The following ME1 variants were observed in gnomAD, a reference collection of about 807,000 sequenced individuals.
The protein encoded by ME1 is NADP-dependent malic enzyme.
A neutral mutation model predicts 66.4 loss-of-function variants in ME1; 74 were observed. That is an observed-to-expected ratio of 1.11 (90% CI 0.92 to 1.35). The LOEUF (loss-of-function observed/expected upper bound fraction) is 1.35. Ranked by LOEUF, ME1 falls within the 40% of genes most tolerant of loss-of-function variation. The pLI, the probability that ME1 is intolerant of heterozygous loss-of-function variation, is 0.00. For missense variants in ME1, 750 were observed against 694.1 expected, an observed-to-expected ratio of 1.08 and a Z score of -0.90; for synonymous variants, 251 against 235.6, an observed-to-expected ratio of 1.07 and a Z score of -0.60.
intron 6 of ME1, among the ~76,000 whole-genome samples, chr6:83,270,479 A>G (rs953026276): frequency 6.6e-6 from 1 of 152,124 alleles, no homozygotes; most frequent in Non-Finnish European, 1.5e-5. Context: ...AAAAGTGATC[A>G]CCATATCCTA....
intron 5 of ME1, among the ~76,000 whole-genome samples, chr6:83,322,094 A>G (rs1436373198): frequency 6.6e-6 from 1 of 152,242 alleles, no homozygotes; most frequent in African/African-American, 2.4e-5. Context: ...ACAAACAGAA[A>G]GGAAGAGCAT....
At chr6:83,397,128 C>A (rs1769748537) in intron 3 of ME1, among the ~76,000 whole-genome samples, 1 of 152,044 alleles carries the variant, frequency 6.6e-6, no homozygotes, top group Admixed American at 6.6e-5. Flanking sequence ...CAAAAATAGA[C>A]AAATGGAATT....
In ME1 at chr6:83,301,317, TC is replaced by T. The variant is rs1346910954; in HGVS notation, c.704+13992del. Among the ~76,000 whole-genome samples the T allele has an allele frequency of 3.5e-3, 355 of 102,554 alleles. 3 individuals carry two copies. Among genetic ancestry groups the T allele is most frequent in the African/African-American group, 0.022 (335 of 15,462 alleles). 67.3% of individuals were successfully genotyped at this position (102,554 alleles called of 152,430 possible). A position where few individuals can be genotyped will look rare whatever the true frequency, so the allele number is the denominator to read the frequency against. On this transcript the variant is annotated intron_variant, in intron 6 of 13. Coordinates refer to ENST00000369705, the MANE Select transcript of ME1 (RefSeq NM_002395.6). ...CTTTCTTTCCTTCTTTCTTTCTTTC[TC>T]TCTCTCTCTCTCTCTCTCTCTTTCT...
intron 5 of ME1, among the ~76,000 whole-genome samples, chr6:83,340,694 T>TC (rs397772826): frequency 6.6e-6 from 1 of 151,694 alleles, no homozygotes; most frequent in African/African-American, 2.4e-5. Context: ...TTTTTTTTTT[T>TC]ACCAAGTTTG....
intron 2 of ME1, among the ~76,000 whole-genome samples, chr6:83,402,870 T>C (rs1393421849): frequency 6.6e-6 from 1 of 152,220 alleles, no homozygotes; most frequent in Admixed American, 6.5e-5. Context: ...GCTATGACCA[T>C]GTGATCAATT....
chr6:83,254,018 A>G (rs1034913588), intron 6 of ME1, among the ~76,000 whole-genome samples: 2 of 152,152 alleles, frequency 1.3e-5, no homozygotes, highest in Non-Finnish European at 1.5e-5. Flanking sequence ...AAATTTTTGA[A>G]GTAAATAAGA....
chr6:83,410,576 ATTTT>A (rs1260876759), intron 1 of ME1, among the ~76,000 whole-genome samples: 2 of 152,172 alleles, frequency 1.3e-5, no homozygotes, highest in African/African-American at 4.8e-5. Context: ...AACTCAATAG[ATTTT>A]TATCTAACTA....
chr6:83,301,336 C>T (rs71542708), intron 6 of ME1, among the ~76,000 whole-genome samples: 7 of 123,572 alleles, frequency 5.7e-5, no homozygotes, highest in East Asian at 2.2e-4. Context: ...CTCTCTCTCT[C>T]TCTTTCTTTC....
chr6:83,407,458 T>A (rs1265374478), intron 2 of ME1, among the ~76,000 whole-genome samples: 2 of 152,240 alleles, frequency 1.3e-5, no homozygotes, highest in African/African-American at 4.8e-5. Flanking sequence ...ATACTTAAAG[T>A]GTGACTAAAA....
At chr6:83,268,982 A>G (rs1767039380) in intron 6 of ME1, among the ~76,000 whole-genome samples, 1 of 152,044 alleles carries the variant, frequency 6.6e-6, no homozygotes, top group Non-Finnish European at 1.5e-5. Flanking sequence ...TTGTTTGCTC[A>G]GTGGGATTTT....
intron 5 of ME1, among the ~76,000 whole-genome samples, chr6:83,315,946 G>C (rs1017785266): frequency 6.6e-6 from 1 of 151,828 alleles, no homozygotes; most frequent in Middle Eastern, 3.4e-3. Flanking sequence ...ATTCCTAAAC[G>C]TTAAAAACAT....
chr6:83,224,994 G>T (rs929494560), intron 11 of ME1, among the ~76,000 whole-genome samples: 1 of 151,552 alleles, frequency 6.6e-6, no homozygotes, highest in Non-Finnish European at 1.5e-5. Context: ...TTGAGGTCAG[G>T]AGTTGGAGAC....
intron 3 of ME1, among the ~76,000 whole-genome samples, chr6:83,391,531 C>T (rs1583413883): frequency 6.6e-6 from 1 of 152,228 alleles, no homozygotes; most frequent in African/African-American, 2.4e-5. Flanking sequence ...AACACAGCAA[C>T]CAGAATGCTC....
At chr6:83,249,021 G>GT (rs999658927) in intron 7 of ME1, among the ~76,000 whole-genome samples, 86 of 152,028 alleles carry the variant, frequency 5.7e-4, no homozygotes, top group African/African-American at 2.0e-3. Flanking sequence ...ATAAAACACA[G>GT]TTTACTTAAC....
At position 83,253,473 on chromosome 6, in the gene ME1, A is replaced by G. The variant is rs540329458; in HGVS notation, c.814+156T>C. ...GTCAGAGAGTACTTTTCTCAAATAT[A>G]TGCAACTAGATGAGAAATAGTATGT... On this transcript the variant is annotated intron_variant, in intron 7 of 13. Coordinates refer to ENST00000369705, the MANE Select transcript of ME1 (RefSeq NM_002395.6). Among the ~76,000 whole-genome samples, 4 of 152,256 alleles carry G rather than the reference A, an allele frequency of 2.6e-5. No homozygotes were observed. The East Asian group carries it at 7.7e-4, about 29-fold the overall frequency.
intron 6 of ME1, among the ~76,000 whole-genome samples, chr6:83,313,218 T>C (rs1466339223): frequency 1.3e-5 from 2 of 152,208 alleles, no homozygotes; most frequent in South Asian, 2.1e-4. Flanking sequence ...AGGTTTCACA[T>C]CTAGATCATT....
At chr6:83,342,721 G>T (rs1170282054) in intron 5 of ME1, among the ~76,000 whole-genome samples, 1 of 151,910 alleles carries the variant, frequency 6.6e-6, no homozygotes, top group Admixed American at 6.6e-5. Flanking sequence ...TAGTTTTGCT[G>T]TTGTTGCCCA....
At chr6:83,244,214 G>A (rs1405876493) in intron 7 of ME1, among the ~76,000 whole-genome samples, 1 of 151,962 alleles carries the variant, frequency 6.6e-6, no homozygotes, top group South Asian at 2.1e-4. Flanking sequence ...GGAATCCAAA[G>A]AGACTGAAAA....
At chr6:83,213,405 C>A (rs1164510598) in intron 13 of ME1, among the ~76,000 whole-genome samples, 2 of 151,778 alleles carry the variant, frequency 1.3e-5, no homozygotes, top group African/African-American at 2.4e-5. Flanking sequence ...GCCTGGGCAA[C>A]AAGAGCAAAA....
Sources: allele counts gnomAD v4.1 joint callset (sites outside exome capture counted in the v4.1 genomes callset), GRCh38; gene constraint gnomAD v4.1.1; transcripts MANE v1.5; gene names NCBI Gene and HGNC (gene_info 2026-07-23, HGNC 2026-07-21).